The following LONP2 variants were observed in gnomAD, a reference collection of about 807,000 sequenced individuals.
The protein encoded by LONP2 is lon peptidase 2, peroxisomal, also known as lon protease homolog 2, peroxisomal.
LONP2 carries 60 observed loss-of-function variants against 85.6 expected under a neutral mutation model. That is an observed-to-expected ratio of 0.70 (90% CI 0.57 to 0.87). The LOEUF is 0.87. LONP2 is among the 40% of genes least tolerant of loss of function. The probability of loss-of-function intolerance (pLI) is 0.00; values close to 1 mark genes in which losing one functional copy is unlikely to be tolerated. For missense variants in LONP2, 860 were observed against 1,063.5 expected (o/e 0.81, Z 2.66); for synonymous variants, 395 against 389.7 (o/e 1.01, Z -0.16).
At chr16:48,346,373 ACT>A (rs2151032438) in intron 12 of LONP2, among the ~76,000 whole-genome samples, 1 of 152,240 alleles carries the variant, frequency 6.6e-6, no homozygotes, top group East Asian at 1.9e-4. Flanking sequence ...TTCCACTGTT[ACT>A]TTTTAGTGTT....
At chr16:48,256,949 C>T (rs1364889954) in intron 3 of LONP2, among the ~76,000 whole-genome samples, 1 of 150,214 alleles carries the variant, frequency 6.7e-6, no homozygotes, top group East Asian at 1.9e-4. Context: ...TTTGTTGACA[C>T]AAGCAGCTCT....
chr16:48,272,147 G>A (rs563036290), intron 7 of LONP2, among the ~76,000 whole-genome samples: 29 of 152,150 alleles, frequency 1.9e-4, no homozygotes, highest in Admixed American at 1.3e-4. Flanking sequence ...GACACACAGT[G>A]AGCATTCACT....
At chr16:48,360,175 C>T (rs1215743633), downstream of LONP2, among the ~76,000 whole-genome samples, 2 of 152,212 alleles carry the variant, frequency 1.3e-5, no homozygotes, top group Non-Finnish European at 2.9e-5. Context: ...GGGGTAGAGC[C>T]GAGACTGGCA....
At chr16:48,308,221 C>G (rs957168979) in intron 11 of LONP2, among the ~76,000 whole-genome samples, 8 of 152,100 alleles carry the variant, frequency 5.3e-5, no homozygotes, top group African/African-American at 1.9e-4. Context: ...GCAAAGTAGA[C>G]AAAAACGTAC....
intron 11 of LONP2, among the ~76,000 whole-genome samples, chr16:48,311,123 T>A (rs1973021119): frequency 6.6e-6 from 1 of 152,196 alleles, no homozygotes; most frequent in South Asian, 2.1e-4. Flanking sequence ...GATGACTAGA[T>A]GCCATGGTGA....
chr16:48,255,654 T>C (rs1971742911), intron 2 of LONP2, among the ~76,000 whole-genome samples: 1 of 151,966 alleles, frequency 6.6e-6, no homozygotes, highest in South Asian at 2.1e-4. Flanking sequence ...TTCCCATGTG[T>C]CAGGGGGCGG....
intron 12 of LONP2, among the ~76,000 whole-genome samples, chr16:48,337,065 G>T (rs769025292): frequency 3.3e-5 from 5 of 152,198 alleles, no homozygotes; most frequent in Non-Finnish European, 5.9e-5. Flanking sequence ...ACTGTGCTAG[G>T]AGTGTAATTC....
chr16:48,357,117 T>C lies in LONP2; in HGVS notation c.*5315T>C, dbSNP rs1439517465. 2.0e-5 allele frequency: 3 copies of C among 152,350 alleles called. No individual in the cohort carries two copies. Among genetic ancestry groups the C allele is most frequent in the Non-Finnish European group, 4.4e-5 (3 of 68,126 alleles). The allele number at this position is 152,350 out of a possible 1,614,324, so 9.4% of individuals were successfully genotyped here. On this transcript the variant is annotated 3_prime_UTR_variant, in exon 15 of 15. Coordinates refer to ENST00000285737, the MANE Select transcript of LONP2 (RefSeq NM_031490.5). ...CAAGTCAGGCATAATAAGCACTTTA[T>C]AGCACATCTAGCCTTCCTCATTCCC... is the stretch of plus-strand genomic sequence containing the variant.
intron 4 of LONP2, among the ~76,000 whole-genome samples, chr16:48,261,101 A>G (rs1379298794): frequency 1.3e-5 from 2 of 152,202 alleles, no homozygotes; most frequent in African/African-American, 2.4e-5. Context: ...AGTGGCTGCA[A>G]TAGTAGCTCA....
intron 11 of LONP2, among the ~76,000 whole-genome samples, chr16:48,317,869 A>G (rs769589485): frequency 2.0e-4 from 31 of 152,196 alleles, no homozygotes; most frequent in Non-Finnish European, 3.2e-4. Flanking sequence ...GTCTCCCTCA[A>G]TGACAATTTT....
intron 6 of LONP2, among the ~76,000 whole-genome samples, chr16:48,269,365 G>A (rs1163061154): frequency 6.6e-6 from 1 of 152,054 alleles, no homozygotes; most frequent in Admixed American, 6.6e-5. Flanking sequence ...TAGGGAATTA[G>A]TTAAATGAAT....
chr16:48,289,903 TTATATATATTA>T (rs1972524607), intron 8 of LONP2, among the ~76,000 whole-genome samples: 1 of 152,314 alleles, frequency 6.6e-6, no homozygotes, highest in South Asian at 2.1e-4. Context: ...GCATCATATC[TTATATATATTA>T]CATATATTTG....
intron 11 of LONP2, among the ~76,000 whole-genome samples, chr16:48,312,381 A>G (rs1337465115): frequency 6.6e-6 from 1 of 151,252 alleles, no homozygotes. Context: ...TCATATTTCC[A>G]ATATTACTGT....
At chr16:48,285,386 T>A (rs1259751687) in intron 8 of LONP2, among the ~76,000 whole-genome samples, 1 of 152,200 alleles carries the variant, frequency 6.6e-6, no homozygotes, top group Non-Finnish European at 1.5e-5. Flanking sequence ...TTCATCAAAT[T>A]TGAGAAGTAT....
At chr16:48,258,994 G>C (rs1971821401) in intron 4 of LONP2, among the ~76,000 whole-genome samples, 1 of 151,902 alleles carries the variant, frequency 6.6e-6, no homozygotes, top group Non-Finnish European at 1.5e-5. Flanking sequence ...AATGTTTTGT[G>C]TATTGTAAAC....
At chr16:48,258,051 A>G (rs988044704) in intron 3 of LONP2, among the ~76,000 whole-genome samples, 8 of 152,240 alleles carry the variant, frequency 5.3e-5, no homozygotes, top group Non-Finnish European at 8.8e-5. Flanking sequence ...TTTCATCTTA[A>G]AAACACACAG....
chr16:48,320,159 C>CAAA (rs80118943), intron 11 of LONP2, among the ~76,000 whole-genome samples: 6 of 56,648 alleles, frequency 1.1e-4, no homozygotes, highest in Admixed American at 4.2e-4. Flanking sequence ...GACTCTGTCT[C>CAAA]AAAAAAAAAA....
intron 7 of LONP2, among the ~76,000 whole-genome samples, chr16:48,272,009 A>C (rs1437725153): frequency 6.6e-6 from 1 of 152,180 alleles, no homozygotes; most frequent in Non-Finnish European, 1.5e-5. Flanking sequence ...TTAGAGAGTG[A>C]GTTCGTGGAA....
intron 6 of LONP2, among the ~76,000 whole-genome samples, chr16:48,264,180 G>T (rs1207469091): frequency 6.6e-6 from 1 of 152,162 alleles, no homozygotes; most frequent in Admixed American, 6.5e-5. Context: ...CAGGAGACGG[G>T]GTTTTGAGAT....
Sources: allele counts gnomAD v4.1 joint callset (sites outside exome capture counted in the v4.1 genomes callset), GRCh38; gene constraint gnomAD v4.1.1; transcripts MANE v1.5; gene names NCBI Gene and HGNC (gene_info 2026-07-23, HGNC 2026-07-21).